ARK2N: variants seen among roughly 807,000 people sequenced by gnomAD.
ARK2N encodes the protein arkadia (RNF111) N-terminal like PKA signaling regulator 2N.
At chr18:46,176,184 CATT>C in the ARK2N span, among the ~76,000 whole-genome samples, 2 of 152,154 alleles carry the variant, frequency 1.3e-5, no homozygotes, top group South Asian at 2.1e-4. Flanking sequence ...TGTAGTTACT[CATT>C]ATACAAGAAG....
chr18:46,240,458 T>A, the ARK2N span, among the ~76,000 whole-genome samples: 1 of 152,240 alleles, frequency 6.6e-6, no homozygotes, highest in Non-Finnish European at 1.5e-5. Flanking sequence ...ATTTCTTGGA[T>A]TAAAAATGCC....
At chr18:46,263,069 T>C in the ARK2N span, 2 of 1,614,108 alleles carry the variant, frequency 1.2e-6, no homozygotes, top group Non-Finnish European at 1.7e-6. Flanking sequence ...CCAGCAGAAG[T>C]TGTTGACCTT....
the ARK2N span, among the ~76,000 whole-genome samples, chr18:46,261,163 AT>A: frequency 1.3e-5 from 2 of 152,148 alleles, no homozygotes; most frequent in Non-Finnish European, 2.9e-5. Flanking sequence ...ATACTTCTAA[AT>A]TGTTAGTTTG....
At chr18:46,178,308 A>T in the ARK2N span, among the ~76,000 whole-genome samples, 2 of 152,148 alleles carry the variant, frequency 1.3e-5, no homozygotes, top group Non-Finnish European at 2.9e-5. Context: ...CATTCCTTTT[A>T]TTTTTATTTA....
the ARK2N span, among the ~76,000 whole-genome samples, chr18:46,194,391 G>C: frequency 6.6e-6 from 1 of 152,012 alleles, no homozygotes; most frequent in African/African-American, 2.4e-5. Context: ...ACGAGTTCAG[G>C]AGTTCAAGAC....
the ARK2N span, among the ~76,000 whole-genome samples, chr18:46,255,445 C>CTTTTCTTTTTTTTTTTTTTTTTTT: frequency 1.3e-5 from 1 of 77,742 alleles, no homozygotes; most frequent in African/African-American, 6.1e-5. Context: ...CTTTTCTTTT[C>CTTTTCTTTTTTTTTTTTTTTTTTT]TTTTTTTTTT....
chr18:46,215,714 A>G, the ARK2N span: 4 of 594,452 alleles, frequency 6.7e-6, no homozygotes, highest in Non-Finnish European at 1.2e-5. Flanking sequence ...GGCCTGTGTA[A>G]TAGTAAGTTT....
the ARK2N span, among the ~76,000 whole-genome samples, chr18:46,256,587 A>AT: frequency 3.3e-5 from 5 of 152,060 alleles, no homozygotes; most frequent in Admixed American, 2.0e-4. Context: ...ATTTTCAAGG[A>AT]TTTTTTCTTA....
chr18:46,224,042 A>G, the ARK2N span, among the ~76,000 whole-genome samples: 4 of 152,206 alleles, frequency 2.6e-5, no homozygotes, highest in Non-Finnish European at 1.5e-5. Flanking sequence ...GCCTAGTTCA[A>G]GGATGAAATT....
the ARK2N span, among the ~76,000 whole-genome samples, chr18:46,180,323 G>A: frequency 6.6e-6 from 1 of 152,168 alleles, no homozygotes; most frequent in African/African-American, 2.4e-5. Flanking sequence ...TATCAGCAGG[G>A]ACTTAATGCA....
the ARK2N span, among the ~76,000 whole-genome samples, chr18:46,205,351 G>A: frequency 5.9e-5 from 9 of 152,328 alleles, no homozygotes; most frequent in Admixed American, 4.6e-4. Flanking sequence ...GCATTGCTAT[G>A]TCTAAATCTT....
the ARK2N span, among the ~76,000 whole-genome samples, chr18:46,174,564 C>T: frequency 1.4e-3 from 206 of 152,280 alleles, 1 homozygote; most frequent in African/African-American, 4.8e-3. Context: ...CTTGCTCGTC[C>T]GCCGTTGGTG....
chr18:46,179,983 T>C, the ARK2N span, among the ~76,000 whole-genome samples: 2 of 152,220 alleles, frequency 1.3e-5, no homozygotes, highest in African/African-American at 4.8e-5. Flanking sequence ...ATCTATGTGT[T>C]ATACAGATTT....
At chr18:46,256,747 G>T in the ARK2N span, among the ~76,000 whole-genome samples, 1 of 152,164 alleles carries the variant, frequency 6.6e-6, no homozygotes, top group African/African-American at 2.4e-5. Context: ...ATTCTTTGGG[G>T]TATTTTTCAC....
At chr18:46,184,658 G>C in the ARK2N span, among the ~76,000 whole-genome samples, 1 of 152,180 alleles carries the variant, frequency 6.6e-6, no homozygotes, top group Non-Finnish European at 1.5e-5. Context: ...GGAAGGTAAG[G>C]CTGCAATGAG....
At chr18:46,194,645 TTTTTA>T in the ARK2N span, among the ~76,000 whole-genome samples, 1 of 149,826 alleles carries the variant, frequency 6.7e-6, no homozygotes, top group African/African-American at 2.5e-5. Flanking sequence ...GGCTAATTTT[TTTTTA>T]TTTTTAGTAG....
chr18:46,238,293 TA>T, the ARK2N span, among the ~76,000 whole-genome samples: 1 of 152,118 alleles, frequency 6.6e-6, no homozygotes, highest in Non-Finnish European at 1.5e-5. Flanking sequence ...AAAAAGCCCT[TA>T]AAAAATAGAA....
chr18:46,220,707 T>G, the ARK2N span, among the ~76,000 whole-genome samples: 1 of 152,198 alleles, frequency 6.6e-6, no homozygotes, highest in Non-Finnish European at 1.5e-5. Flanking sequence ...TTTGAATAAT[T>G]TAGCTAATTA....
At chr18:46,215,843 C>G in the ARK2N span, 1 of 1,566,646 alleles carries the variant, frequency 6.4e-7, no homozygotes, top group Non-Finnish European at 8.7e-7. Context: ...GATATCATTT[C>G]CTAGACTCTA....
Sources: allele counts gnomAD v4.1 joint callset (sites outside exome capture counted in the v4.1 genomes callset), GRCh38; gene constraint gnomAD v4.1.1; transcripts MANE v1.5; gene names NCBI Gene and HGNC (gene_info 2026-07-23, HGNC 2026-07-21).